Variants in DCLRE1C observed in about 807,000 individuals in gnomAD.
DCLRE1C encodes protein artemis.
A neutral mutation model predicts 61.4 loss-of-function variants in DCLRE1C; 47 were observed. That is an observed-to-expected ratio of 0.77 (90% confidence interval 0.61 to 0.98). The LOEUF (loss-of-function observed/expected upper bound fraction) is 0.98. Among genes scored for constraint, DCLRE1C ranks in the 50% least tolerant of loss-of-function variants. DCLRE1C has a pLI of 0.00. For synonymous variants in DCLRE1C, 337 were observed against 287.6 expected (o/e 1.17, Z -1.74); for missense variants, 858 against 816.0 (o/e 1.05, Z -0.63).
At chr10:14,923,090 T>C in intron 11 of DCLRE1C, 21 bp from the exon 12 acceptor site, 1 of 1,558,008 alleles carries the variant, frequency 6.4e-7, no homozygotes, top group African/African-American at 1.4e-5. Context: ...GAAAATCACA[T>C]GGATCAACAA....
At chr10:14,952,565 T>C (rs534982981) in intron 1 of DCLRE1C, among the ~76,000 whole-genome samples, 41 of 152,142 alleles carry the variant, frequency 2.7e-4, no homozygotes, top group African/African-American at 8.9e-4. Context: ...TCCAGCCTGG[T>C]GATGGAGACT....
At chr10:14,943,888 T>C (rs1429567824) in intron 3 of DCLRE1C, among the ~76,000 whole-genome samples, 2 of 152,212 alleles carry the variant, frequency 1.3e-5, no homozygotes, top group East Asian at 1.9e-4. Context: ...AATTTGTCTT[T>C]TGACCAAAGG....
chr10:14,915,369 A>T (rs1390287667), intron 13 of DCLRE1C, among the ~76,000 whole-genome samples: 2 of 152,058 alleles, frequency 1.3e-5, no homozygotes, highest in African/African-American at 4.8e-5. Flanking sequence ...CTTATTTGAG[A>T]AGATCAGTAA....
In DCLRE1C at chr10:14,916,399, A is replaced by T. The variant is rs115475868; in HGVS notation, c.1156+3339T>A. The stretch of plus-strand genomic sequence containing the variant: ...GATTAGCAAGGTTGCAGGATACAAG[A>T]TCAAAAATCAATTGCACAGGTTGCA... On this transcript the variant is annotated intron_variant, in intron 13 of 13. Transcript: ENST00000378278. Among the ~76,000 whole-genome samples the T allele has an allele frequency of 2.9e-3, 437 of 152,336 alleles. 4 individuals are homozygous for T. Among genetic ancestry groups the T allele is most frequent in the African/African-American group, 0.01 (426 of 41,582 alleles).
At chr10:14,899,834 A>G (rs1833870990), downstream of DCLRE1C, 1 of 961,436 alleles carries the variant, frequency 1.0e-6, no homozygotes, top group Admixed American at 3.1e-5. Context: ...CTGTTAAGTT[A>G]TGGTATTATT....
At position 14,907,529 on chromosome 10, in the gene DCLRE1C, T is replaced by C. The variant is rs910831323; in HGVS notation, c.*879A>G. Among the ~76,000 whole-genome samples the C allele has an allele frequency of 6.6e-6, 1 of 152,144 alleles. No individual in the cohort carries two copies. The highest frequency in any genetic ancestry group is 1.9e-4 in the East Asian group (1 of 5,194). On this transcript the variant is annotated 3_prime_UTR_variant, in exon 14 of 14. Coordinates refer to ENST00000378278, the MANE Select transcript of DCLRE1C (RefSeq NM_001033855.3). ...TGTTAAATTAATCCCTAGCTGTAAT[T>C]GTGCATTAGTTTGTCTCTTTTCAGC...
rs1834289602 is a variant in DCLRE1C at position 14,905,190 on chromosome 10, G to T, written c.*3218C>A. On this transcript the variant is annotated 3_prime_UTR_variant, in exon 14 of 14. Transcript: ENST00000378278. ...CCTTTAAATGTTACTTTCCTTTTAA[G>T]ATAGCTTTCATGGTTCATGCATTTG... 6.6e-6 allele frequency among the ~76,000 whole-genome samples: 1 copy of T among 152,222 alleles called. No individual in the cohort carries two copies. The highest frequency in any genetic ancestry group is 2.1e-4 in the South Asian group (1 of 4,836).
chr10:14,937,281 CTTT>C (rs1162058273), intron 4 of DCLRE1C, among the ~76,000 whole-genome samples: 5,995 of 110,224 alleles, frequency 0.054, 116 homozygotes, highest in Middle Eastern at 0.13. Context: ...AAGCTATTTA[CTTT>C]TTTTTTTTTT....
rs538184361 is a variant in DCLRE1C at position 14,925,717 on chromosome 10, A to T, written c.972+1126T>A. Among the ~76,000 whole-genome samples, 5 of 152,330 alleles carry T rather than the reference A, an allele frequency of 3.3e-5. No homozygotes were observed. In the South Asian group the frequency reaches 1.0e-3, roughly 32 times the overall value. On this transcript the variant is annotated intron_variant, in intron 11 of 13. Transcript: ENST00000378278. ...TTACAGTCCTCCCGTGCTTAGGAACACTCGATAGGACTTCAGTATTATGAC... is the reference window on the plus strand; with the variant it reads ...TTACAGTCCTCCCGTGCTTAGGAACTCTCGATAGGACTTCAGTATTATGAC...
chr10:14,908,339 T>TTTTAAGTAC lies in DCLRE1C; in HGVS notation c.*68_*69insGTACTTAAA. ...ATTTTTAAGTACTGTATTTTCTCTA[T>TTTTAAGTAC]TGTAATATTGACTGTCATCTCTGTG... On this transcript the variant is annotated 3_prime_UTR_variant, in exon 14 of 14. Coordinates refer to ENST00000378278, the MANE Select transcript of DCLRE1C (RefSeq NM_001033855.3). 1 of 1,222,400 alleles carries TTTTAAGTAC rather than the reference T, an allele frequency of 8.2e-7. No homozygotes were observed. The allele number at this position is 1,222,400 out of a possible 1,614,324, so 75.7% of individuals were successfully genotyped here.
In DCLRE1C at chr10:14,908,593, C is replaced by G. The variant is rs61757205; in HGVS notation, c.1894G>C (p.Glu632Gln). The change falls in exon 14 of 14, where the codon GAG becomes CAG. Residue 632 changes from glutamate (E) to glutamine (Q), a missense_variant. Coordinates refer to ENST00000378278, the MANE Select transcript of DCLRE1C (RefSeq NM_001033855.3). ...CTAAGATTTAGCAAACTTTTTTCCTCGGGTATATGTGTCTCACTGCTTAGA... is the reference window on the plus strand; with the variant it reads ...CTAAGATTTAGCAAACTTTTTTCCTGGGGTATATGTGTCTCACTGCTTAGA... ...TTLSSETHIP[E>Q]EKSLLNLSTN... 6.2e-7 allele frequency: 1 copy of G among 1,614,110 alleles called. No individual in the cohort carries two copies. Among genetic ancestry groups the G allele is most frequent in the Non-Finnish European group, 8.5e-7 (1 of 1,180,024 alleles).
chr10:14,919,970 AG>A, intron 12 of DCLRE1C, 138 bp from the exon 13 acceptor site: 1 of 722,196 alleles, frequency 1.4e-6, no homozygotes, highest in Non-Finnish European at 2.4e-6. Context: ...CTTGACCATA[AG>A]GGAAATCACA....
intron 10 of DCLRE1C, among the ~76,000 whole-genome samples, chr10:14,927,364 GAC>G (rs1288330777): frequency 1.5e-5 from 2 of 130,146 alleles, no homozygotes; most frequent in Non-Finnish European, 3.2e-5. Flanking sequence ...CAGCCTGAGT[GAC>G]AGAGTGAGAT....
At chr10:14,898,427 T>C (rs1833757814) in exon 14 of DCLRE1C, 1 of 151,540 alleles carries the variant, frequency 6.6e-6, no homozygotes, top group Non-Finnish European at 1.5e-5. Flanking sequence ...ATATCTGGAG[T>C]TGTCAACTCT....
chr10:14,936,570 G>T lies in DCLRE1C; in HGVS notation c.330C>A (p.Leu110=). The T allele has an allele frequency of 6.2e-7, 1 of 1,613,248 alleles. No individual in the cohort carries two copies. Among genetic ancestry groups the T allele is most frequent in the South Asian group, 1.1e-5 (1 of 91,012 alleles). Residue 110 remains leucine (L), a synonymous_variant, in exon 5 of 14, where the codon CTC becomes CTA. Transcript: ENST00000378278. The part of the protein sequence containing the change: ...SGEKEEIVVT[L]LPAGHCPGSV... Reference sequence around the variant, plus strand: ...ATCCCGGACAGTGACCAGCTGGTAAGAGAGTCACAACAATCTCTTCCTTCT... The same window carrying T: ...ATCCCGGACAGTGACCAGCTGGTAATAGAGTCACAACAATCTCTTCCTTCT...
exon 14 of DCLRE1C, chr10:14,897,890 T>A (rs1455536960): frequency 6.4e-6 from 1 of 155,636 alleles, no homozygotes; most frequent in Non-Finnish European, 1.4e-5. Context: ...ACTTCATCTA[T>A]TTGACCAAAT....
chr10:14,920,422 T>C, intron 12 of DCLRE1C: 1 of 1,012,016 alleles, frequency 9.9e-7, no homozygotes, highest in African/African-American at 1.7e-5. Flanking sequence ...TCCTGGCAGA[T>C]TCCGGGAAGC....
At position 14,936,610 on chromosome 10, in the gene DCLRE1C, G is replaced by T; in HGVS notation, c.307-17C>A. The T allele has an allele frequency of 6.3e-7, 1 of 1,597,652 alleles. No homozygotes were observed. The stretch of plus-strand genomic sequence containing the variant: ...CTCTTCCTTCTAAAAAGAAAATAAA[G>T]AAAAAATAGTAATGGAAAGCAGTTA... On this transcript the variant is annotated splice_polypyrimidine_tract_variant and intron_variant, in intron 4 of 13. Transcript: ENST00000378278.
At chr10:14,937,193 C>G (rs1044485611) in intron 4 of DCLRE1C, among the ~76,000 whole-genome samples, 1 of 151,896 alleles carries the variant, frequency 6.6e-6, no homozygotes, top group Non-Finnish European at 1.5e-5. Flanking sequence ...AGGCTTCTTC[C>G]CTTGGGGTGC....
Sources: allele counts gnomAD v4.1 joint callset (sites outside exome capture counted in the v4.1 genomes callset), GRCh38; gene constraint gnomAD v4.1.1; transcripts MANE v1.5; gene names NCBI Gene and HGNC (gene_info 2026-07-23, HGNC 2026-07-21).